The following GALNTL6 variants were observed in gnomAD, a reference collection of about 807,000 sequenced individuals.
The protein encoded by GALNTL6 is polypeptide N-acetylgalactosaminyltransferase like 6, also known as polypeptide N-acetylgalactosaminyltransferase-like 6.
GALNTL6 carries 46 observed loss-of-function variants against 73.7 expected under a neutral mutation model. That is an observed-to-expected ratio of 0.62 (90% CI 0.49 to 0.80). The LOEUF (loss-of-function observed/expected upper bound fraction) is 0.80, where lower values mean the gene tolerates loss of function less well. Among genes scored for constraint, GALNTL6 ranks in the 30% least tolerant of loss-of-function variants. The pLI is 0.00. For missense variants in GALNTL6, 604 were observed against 755.0 expected (o/e 0.80, Z 2.34); for synonymous variants, 259 against 263.7 (o/e 0.98, Z 0.17).
At chr4:172,966,242 CTA>C (rs771930747) in intron 10 of GALNTL6, among the ~76,000 whole-genome samples, 27 of 152,146 alleles carry the variant, frequency 1.8e-4, no homozygotes, top group Non-Finnish European at 2.8e-4. Flanking sequence ...TCTGTGATAA[CTA>C]AGAGTGGCCT....
intron 2 of GALNTL6, among the ~76,000 whole-genome samples, chr4:172,160,410 C>T (rs1734420585): frequency 6.6e-6 from 1 of 151,724 alleles, no homozygotes; most frequent in African/African-American, 2.4e-5. Flanking sequence ...GGCTTCAACA[C>T]ATCTGTTAAT....
chr4:171,953,070 G>A (rs72696983), intron 2 of GALNTL6, among the ~76,000 whole-genome samples: 5,660 of 152,054 alleles, frequency 0.037, 161 homozygotes, highest in Non-Finnish European at 0.061. Flanking sequence ...TCAAAGAGGC[G>A]TAAGGACATA....
intron 3 of GALNTL6, among the ~76,000 whole-genome samples, chr4:172,302,730 T>A (rs1739982891): frequency 6.6e-6 from 1 of 152,192 alleles, no homozygotes; most frequent in Non-Finnish European, 1.5e-5. Context: ...AGTGTTCACC[T>A]GTGCCTGGAG....
intron 7 of GALNTL6, among the ~76,000 whole-genome samples, chr4:172,848,323 G>A (rs929092406): frequency 1.3e-5 from 2 of 151,970 alleles, no homozygotes; most frequent in African/African-American, 2.4e-5. Flanking sequence ...ATAACAGCCC[G>A]TGTTTCCTTT....
chr4:172,230,668 G>A (rs9312518), intron 3 of GALNTL6, among the ~76,000 whole-genome samples: 1 of 151,858 alleles, frequency 6.6e-6, no homozygotes, highest in Non-Finnish European at 1.5e-5. Flanking sequence ...ATTCAGAAGG[G>A]TATATCAGTA....
At chr4:171,837,562 C>T (rs920866613) in intron 2 of GALNTL6, among the ~76,000 whole-genome samples, 17 of 146,246 alleles carry the variant, frequency 1.2e-4, no homozygotes, top group Non-Finnish European at 2.4e-4. Flanking sequence ...TATATAAATA[C>T]ATATTATATA....
intron 3 of GALNTL6, among the ~76,000 whole-genome samples, chr4:172,296,427 T>C (rs974940881): frequency 6.6e-6 from 1 of 152,188 alleles, no homozygotes; most frequent in African/African-American, 2.4e-5. Flanking sequence ...GTCAGTTACA[T>C]ATATATACAT....
At chr4:171,968,086 C>A (rs932617833) in intron 2 of GALNTL6, among the ~76,000 whole-genome samples, 1 of 152,154 alleles carries the variant, frequency 6.6e-6, no homozygotes, top group African/African-American at 2.4e-5. Flanking sequence ...GTTACTATAG[C>A]AGTCTTCTTC....
chr4:172,964,474 CT>C (rs1750234428), intron 10 of GALNTL6, among the ~76,000 whole-genome samples: 1 of 152,164 alleles, frequency 6.6e-6, no homozygotes, highest in African/African-American at 2.4e-5. Flanking sequence ...ATTGTGCAAA[CT>C]TTTTAAAAAA....
At chr4:172,799,087 G>A (rs72998176) in intron 5 of GALNTL6, among the ~76,000 whole-genome samples, 6,990 of 152,224 alleles carry the variant, frequency 0.046, 310 homozygotes, top group Admixed American at 0.12. Context: ...ATGTTATTCA[G>A]CTCCCTGATA....
chr4:172,811,992 G>C (rs138879767), intron 6 of GALNTL6, among the ~76,000 whole-genome samples: 7 of 148,468 alleles, frequency 4.7e-5, no homozygotes, highest in Non-Finnish European at 8.9e-5. Context: ...AATATGAAAA[G>C]AATGACTGGA....
At chr4:172,044,658 G>C (rs1490555267) in intron 2 of GALNTL6, among the ~76,000 whole-genome samples, 1 of 151,996 alleles carries the variant, frequency 6.6e-6, no homozygotes, top group East Asian at 1.9e-4. Flanking sequence ...CACTGGGAAA[G>C]AGATGATTTT....
intron 7 of GALNTL6, among the ~76,000 whole-genome samples, chr4:172,851,870 A>G (rs1330369010): frequency 6.6e-6 from 1 of 152,176 alleles, no homozygotes; most frequent in African/African-American, 2.4e-5. Flanking sequence ...AGGTGTTTAG[A>G]TAGTGTTCAA....
chr4:171,936,590 G>GTGCC lies in GALNTL6; in HGVS notation c.138+121876_138+121879dup, dbSNP rs151304460. Among the ~76,000 whole-genome samples the GTGCC allele has an allele frequency of 1.6e-3, 250 of 152,174 alleles. 1 individual carries two copies. The highest frequency in any genetic ancestry group is 5.7e-3 in the African/African-American group (238 of 41,524). On this transcript the variant is annotated intron_variant, in intron 2 of 12. Coordinates refer to ENST00000506823, the MANE Select transcript of GALNTL6 (RefSeq NM_001034845.3). Reference sequence around the variant, plus strand: ...AAATTACTTTGTGAAGCATTCATTTGTGCCTGCAAGTTAACAGTACCATTC... The same window carrying GTGCC: ...AAATTACTTTGTGAAGCATTCATTTGTGCCTGCCTGCAAGTTAACAGTACCATTC...
chr4:172,966,421 G>A (rs1314181902), intron 10 of GALNTL6, among the ~76,000 whole-genome samples: 3 of 150,898 alleles, frequency 2.0e-5, no homozygotes, highest in East Asian at 2.0e-4. Context: ...TTGAGATGGA[G>A]TTTTGCTCTG....
At chr4:172,397,563 T>TTATTTATG (rs1162905249) in intron 5 of GALNTL6, among the ~76,000 whole-genome samples, 3 of 122,908 alleles carry the variant, frequency 2.4e-5, no homozygotes, top group Non-Finnish European at 5.7e-5. Flanking sequence ...TCTCATTTAT[T>TTATTTATG]TATTTATTTA....
chr4:171,829,004 A>C (rs1326426395), intron 2 of GALNTL6, among the ~76,000 whole-genome samples: 1 of 152,174 alleles, frequency 6.6e-6, no homozygotes, highest in African/African-American at 2.4e-5. Flanking sequence ...TATAATGCAC[A>C]TAACATGCAA....
At chr4:172,398,544 G>A (rs1743928646) in intron 5 of GALNTL6, among the ~76,000 whole-genome samples, 1 of 152,086 alleles carries the variant, frequency 6.6e-6, no homozygotes, top group Non-Finnish European at 1.5e-5. Context: ...ATCGTTTATT[G>A]CTTGAGTTAT....
chr4:172,288,986 A>T (rs1739366476), intron 3 of GALNTL6, among the ~76,000 whole-genome samples: 1 of 152,200 alleles, frequency 6.6e-6, no homozygotes, highest in Admixed American at 6.5e-5. Flanking sequence ...GACATTTAAA[A>T]ATATAGGATA....
Sources: allele counts gnomAD v4.1 joint callset (sites outside exome capture counted in the v4.1 genomes callset), GRCh38; gene constraint gnomAD v4.1.1; transcripts MANE v1.5; gene names NCBI Gene and HGNC (gene_info 2026-07-23, HGNC 2026-07-21).